The following ATP11B variants were observed in gnomAD, a reference collection of about 807,000 sequenced individuals.
ATP11B encodes phospholipid-transporting ATPase IF.
A neutral mutation model predicts 157.8 loss-of-function variants in ATP11B; 81 were observed. The ratio of observed to expected loss-of-function variants is 0.51; its 90% confidence interval spans 0.43 to 0.62. ATP11B has a LOEUF of 0.62. Ranked by LOEUF, ATP11B falls within the 20% of genes least tolerant of loss-of-function variation. The pLI is 0.00. For synonymous variants in ATP11B, 451 were observed against 469.4 expected (o/e 0.96, Z 0.51); for missense variants, 1,165 against 1,402.2 (o/e 0.83, Z 2.70).
chr3:182,916,312 C>T (rs1725138086), intron 29 of ATP11B: 1 of 985,082 alleles, frequency 1.0e-6, no homozygotes, highest in African/African-American at 1.7e-5. Flanking sequence ...ATGTAGAAGC[C>T]CTTAGCTGTG....
chr3:182,823,506 T>C (rs961587692), intron 2 of ATP11B, among the ~76,000 whole-genome samples: 1 of 152,108 alleles, frequency 6.6e-6, no homozygotes, highest in African/African-American at 2.4e-5. Flanking sequence ...CATGCTGTTT[T>C]GGTTACTGTA....
At position 182,874,706 on chromosome 3, in the gene ATP11B, CA is replaced by C. The variant is rs1447096168; in HGVS notation, c.2252+692del. 2.6e-5 allele frequency among the ~76,000 whole-genome samples: 4 copies of C among 152,246 alleles called. No homozygotes were observed. In the East Asian group the frequency reaches 7.7e-4, roughly 29 times the overall value. ...TTACAGATGGACATTAACAGATGAA[CA>C]TTTGCAATGTTAACTTTGAACCCCA... On this transcript the variant is annotated intron_variant, in intron 19 of 29. Transcript: ENST00000323116.
intron 28 of ATP11B, among the ~76,000 whole-genome samples, chr3:182,911,121 A>G (rs1159519515): frequency 6.6e-6 from 1 of 152,064 alleles, no homozygotes; most frequent in Non-Finnish European, 1.5e-5. Context: ...GTGAGTCACA[A>G]CTGGTCTTTT....
intron 24 of ATP11B, 51 bp downstream of exon 24, chr3:182,887,764 AT>A (rs763780176): frequency 1.9e-5 from 29 of 1,558,424 alleles, no homozygotes; most frequent in Non-Finnish European, 2.4e-5. Context: ...TAAGTAAAAA[AT>A]AAGCAGATTT....
At position 182,898,747 on chromosome 3, in the gene ATP11B, A is replaced by C; in HGVS notation, c.3293A>C (p.His1098Pro). ...IIKKVFDRHL[H>P]PTSTEKAQLT... is the part of the protein sequence containing the mutation. ...AAGAAGGTCTTTGACCGACACCTCC[A>C]CCCTACAAGTACTGAAAAGGCACAG... The change falls in exon 28 of 30, where the codon CAC (histidine) becomes CCC (proline). Residue 1098 changes from histidine to proline, a missense_variant. His to Pro is a moderately conservative substitution (Grantham distance 77, BLOSUM62 -2). Transcript: ENST00000323116. 5 of 1,572,612 alleles carry C rather than the reference A, an allele frequency of 3.2e-6. No individual in the cohort carries two copies. Among genetic ancestry groups the C allele is most frequent in the Non-Finnish European group, 4.3e-6 (5 of 1,160,462 alleles).
intron 28 of ATP11B, among the ~76,000 whole-genome samples, chr3:182,907,553 GT>G (rs796890739): frequency 2.0e-5 from 3 of 152,270 alleles, no homozygotes; most frequent in African/African-American, 4.8e-5. Context: ...ATTTTTGTGT[GT>G]TTTGGTATGC....
chr3:182,910,007 T>G (rs1336432347), intron 28 of ATP11B, among the ~76,000 whole-genome samples: 1 of 133,936 alleles, frequency 7.5e-6, no homozygotes. Flanking sequence ...GAGGTTGCAG[T>G]GAACCAAGAT....
intron 10 of ATP11B, among the ~76,000 whole-genome samples, chr3:182,857,338 G>C (rs964685439): frequency 6.6e-6 from 1 of 151,962 alleles, no homozygotes; most frequent in African/African-American, 2.4e-5. Context: ...TAGTAGAGAT[G>C]GGGTTTCATC....
At chr3:182,818,625 GAAT>G (rs1717114458) in intron 1 of ATP11B, among the ~76,000 whole-genome samples, 1 of 152,114 alleles carries the variant, frequency 6.6e-6, no homozygotes, top group Non-Finnish European at 1.5e-5. Context: ...TTAAAACCAA[GAAT>G]AATAACAGTT....
rs765158177 is a variant in ATP11B at position 182,914,054 on chromosome 3, A to G, written c.3452+60A>G. Reference sequence around the variant, plus strand: ...TGAGTATCCTATCTGGAACAGGATGAACCTGCCGCTCTAGATACCTAATAA... The same window carrying G: ...TGAGTATCCTATCTGGAACAGGATGGACCTGCCGCTCTAGATACCTAATAA... On this transcript the variant is annotated intron_variant, in intron 29 of 29. Coordinates refer to ENST00000323116, the MANE Select transcript of ATP11B (RefSeq NM_014616.3). 9 of 1,596,090 alleles carry G rather than the reference A, an allele frequency of 5.6e-6. No individual in the cohort carries two copies. In the Admixed American group the frequency reaches 1.1e-4, roughly 19 times the overall value.
chr3:182,882,296 TTGA>T lies in ATP11B; in HGVS notation c.2509+1320_2509+1322del, dbSNP rs543867135. Among the ~76,000 whole-genome samples the T allele has an allele frequency of 4.4e-4, 67 of 152,236 alleles. 1 individual carries two copies. In the East Asian group the frequency reaches 9.1e-3, roughly 21 times the overall value. On this transcript the variant is annotated intron_variant, in intron 21 of 29. Coordinates refer to ENST00000323116, the MANE Select transcript of ATP11B (RefSeq NM_014616.3). ...ATTTTCCATAAATTTTCATAGCAAT[TTGA>T]TGATAACTTCCTATACCATACATTT...
intron 2 of ATP11B, among the ~76,000 whole-genome samples, chr3:182,824,975 T>C (rs1208519572): frequency 6.6e-6 from 1 of 152,262 alleles, no homozygotes; most frequent in Non-Finnish European, 1.5e-5. Flanking sequence ...ATTTCAAGAA[T>C]GTAAATATTT....
At chr3:182,867,263 A>G in intron 14 of ATP11B, 113 bp from the exon 15 acceptor site, 1 of 703,358 alleles carries the variant, frequency 1.4e-6, no homozygotes, top group South Asian at 1.8e-5. Context: ...ATATTTTTAA[A>G]TGCATTTTGA....
intron 28 of ATP11B, among the ~76,000 whole-genome samples, chr3:182,912,901 GGT>G (rs1724890958): frequency 6.6e-6 from 1 of 150,618 alleles, no homozygotes; most frequent in African/African-American, 2.5e-5. Flanking sequence ...ATTGAAATAA[GGT>G]GTTTTTTTTT....
rs1307850990 is a variant in ATP11B at position 182,867,267 on chromosome 3, AT to A, written c.1620-105del. 3.8e-5 allele frequency: 28 copies of A among 735,288 alleles called. No homozygotes were observed. The Admixed American group carries it at 4.2e-4, about 11-fold the overall frequency. 45.5% of individuals were successfully genotyped at this position (735,288 alleles called of 1,614,324 possible). A position where few individuals can be genotyped will look rare whatever the true frequency, so the allele number is the denominator to read the frequency against. On this transcript the variant is annotated intron_variant, in intron 14 of 29. Coordinates refer to ENST00000323116, the MANE Select transcript of ATP11B (RefSeq NM_014616.3). ...ATTAAAAGGAAATATTTTTAAATGCATTTTGAACTTTGATTTTAAATGTTTT... is the reference window on the plus strand; with the variant it reads ...ATTAAAAGGAAATATTTTTAAATGCATTTGAACTTTGATTTTAAATGTTTT...
At chr3:182,811,140 T>TAA (rs909801480) in intron 1 of ATP11B, among the ~76,000 whole-genome samples, 2 of 152,200 alleles carry the variant, frequency 1.3e-5, no homozygotes, top group African/African-American at 4.8e-5. Flanking sequence ...AATATACTGC[T>TAA]AAAAATATAT....
At chr3:182,841,002 C>G (rs1718969289) in intron 7 of ATP11B, among the ~76,000 whole-genome samples, 1 of 152,006 alleles carries the variant, frequency 6.6e-6, no homozygotes, top group Non-Finnish European at 1.5e-5. Context: ...CATCCCCAAC[C>G]TTTCTTCTCT....
chr3:182,914,032 G>A, intron 29 of ATP11B, 38 bp downstream of exon 29: 1 of 1,612,110 alleles, frequency 6.2e-7, no homozygotes. Context: ...CTGCAGATGA[G>A]TATCCTATCT....
At chr3:182,866,482 A>G (rs1721243558) in intron 14 of ATP11B, 39 bp downstream of exon 14, 7 of 1,429,794 alleles carry the variant, frequency 4.9e-6, no homozygotes, top group Non-Finnish European at 6.5e-6. Context: ...GAAAAACACC[A>G]TTTAAATAAA....
Sources: gnomAD v4.1 joint callset for allele counts (sites outside exome capture counted in the v4.1 genomes callset) on GRCh38, gnomAD v4.1.1 for gene constraint, MANE v1.5 for transcripts, NCBI Gene and HGNC (gene_info 2026-07-23, HGNC 2026-07-21) for gene names.